The following OR6Y1 variants were observed in gnomAD, a reference collection of about 807,000 sequenced individuals.
OR6Y1 encodes the protein olfactory receptor family 6 subfamily Y member 1.
A neutral mutation model predicts 0.4 loss-of-function variants in OR6Y1; 1 was observed. The ratio of observed to expected loss-of-function variants is 2.74; its 90% CI spans 0.97 to 13.02. OR6Y1 has a LOEUF of 13.02. Among genes scored for constraint, OR6Y1 ranks in the 30% most tolerant of loss-of-function variants. The probability of loss-of-function intolerance (pLI) is 0.12; values close to 1 mark genes in which losing one functional copy is unlikely to be tolerated. For missense variants in OR6Y1, 480 were observed against 399.8 expected (o/e 1.20, Z -1.71); for synonymous variants, 173 against 141.1 (o/e 1.23, Z -1.60).
Position 158,548,106 on chromosome 1 carries a change from G to T in OR6Y1, c.-1C>A. On this transcript the variant is annotated 5_prime_UTR_variant, in exon 2 of 2. Coordinates refer to ENST00000641622, the MANE Select transcript of OR6Y1 (RefSeq NM_001005189.2). ...CTACTTCCAGAATTATGGTGGTCAT[G>T]ACTGGCTGTGGGCACAGACAAAGTC... 3 of 1,609,284 alleles carry T rather than the reference G, an allele frequency of 1.9e-6. No homozygotes were observed. The South Asian group carries it at 3.3e-5, about 18-fold the overall frequency.
Position 158,547,104 on chromosome 1 carries a change from G to A in OR6Y1, c.*24C>T. ...GTGTAGTGATCATCTCTCAGTTCAA[G>A]CCTGAAAGGAATCTATACATTTTTT... On this transcript the variant is annotated 3_prime_UTR_variant, in exon 2 of 2. Transcript: ENST00000641622. 1 of 1,594,696 alleles carries A rather than the reference G, an allele frequency of 6.3e-7. No individual in the cohort carries two copies. Among genetic ancestry groups the A allele is most frequent in the Non-Finnish European group, 8.5e-7 (1 of 1,171,790 alleles).
rs1245533182 is a variant in OR6Y1 at position 158,547,764 on chromosome 1, G to T, written c.342C>A (p.Cys114Ter). ...TQLYFFVTFV[C>*]TEYILLAIMA... ...TGATAGCAAGAAGGATGTACTCAGT[G>T]CAGACAAAGGTCACAAAAAAGTAAA... The change falls in exon 2 of 2, where the codon TGC (cysteine) becomes TGA (stop). Residue 114 changes from cysteine to a stop codon, truncating the protein, a stop_gained. Transcript: ENST00000641622. LOFTEE classifies it low-confidence loss of function (END_TRUNC). 2 of 1,613,540 alleles carry T rather than the reference G, an allele frequency of 1.2e-6. No homozygotes were observed. The highest frequency in any genetic ancestry group is 2.2e-5 in the East Asian group (1 of 44,876).
At chr1:158,551,151 T>C (rs1647694294) in intron 1 of OR6Y1, among the ~76,000 whole-genome samples, 1 of 151,590 alleles carries the variant, frequency 6.6e-6, no homozygotes, top group African/African-American at 2.4e-5. Flanking sequence ...AATTAAATTG[T>C]ACCTTTAAAA....
intron 1 of OR6Y1, among the ~76,000 whole-genome samples, chr1:158,553,770 T>C (rs536034105): frequency 6.6e-6 from 1 of 152,268 alleles, no homozygotes; most frequent in African/African-American, 2.4e-5. Flanking sequence ...CATTTTCTCT[T>C]TTTTTGTCCC....
rs886238523 is a variant in OR6Y1, at chr1:158,546,202, C to T, written c.*926G>A. The T allele has an allele frequency of 7.9e-5, 12 of 151,914 alleles. No homozygotes were observed. The highest frequency in any genetic ancestry group is 1.2e-4 in the Non-Finnish European group (8 of 68,020). The allele number at this position is 151,914 out of a possible 1,614,324, so 9.4% of individuals were successfully genotyped here. The stretch of plus-strand genomic sequence containing the variant: ...CCACCCTAGCAGTCAAATTTTAGCT[C>T]GATTACCACTATAAAAACCCTACTT... On this transcript the variant is annotated 3_prime_UTR_variant, in exon 2 of 2. Coordinates refer to ENST00000641622, the MANE Select transcript of OR6Y1 (RefSeq NM_001005189.2).
rs1378609543 is a variant in OR6Y1 at position 158,546,935 on chromosome 1, T to C, written c.*193A>G. 9 of 497,710 alleles carry C rather than the reference T, an allele frequency of 1.8e-5. No individual in the cohort carries two copies. The highest frequency in any genetic ancestry group is 3.4e-5 in the South Asian group (1 of 29,808). 30.8% of individuals were successfully genotyped at this position (497,710 alleles called of 1,614,324 possible). A position where few individuals can be genotyped will look rare whatever the true frequency, so the allele number is the denominator to read the frequency against. ...TTTTAAAACTTGTCTCTCAGCCTGA[T>C]ACCAGAGGTTACTTCTTGAGAACAT... is the stretch of plus-strand genomic sequence containing the variant. On this transcript the variant is annotated 3_prime_UTR_variant, in exon 2 of 2. Coordinates refer to ENST00000641622, the MANE Select transcript of OR6Y1 (RefSeq NM_001005189.2).
In OR6Y1 at chr1:158,545,428, G is replaced by A. The variant is rs1647492621; in HGVS notation, c.*1700C>T. On this transcript the variant is annotated 3_prime_UTR_variant, in exon 2 of 2. Coordinates refer to ENST00000641622, the MANE Select transcript of OR6Y1 (RefSeq NM_001005189.2). The stretch of plus-strand genomic sequence containing the variant: ...ACCAACATGTCACATGTATACATAT[G>A]TAACAAACCTGCACGTTGTGCACAT... 1 of 151,608 alleles carries A rather than the reference G, an allele frequency of 6.6e-6. No homozygotes were observed. 9.4% of individuals were successfully genotyped at this position (151,608 alleles called of 1,614,324 possible). A position where few individuals can be genotyped will look rare whatever the true frequency, so the allele number is the denominator to read the frequency against.
In OR6Y1 at chr1:158,547,563, G is replaced by GAT; in HGVS notation, c.542_543insAT (p.His181GlnfsTer71). On this transcript the variant is annotated frameshift_variant, in exon 2 of 2. Coordinates refer to ENST00000641622, the MANE Select transcript of OR6Y1 (RefSeq NM_001005189.2). LOFTEE classifies it low-confidence loss of function (END_TRUNC). ...GGAGTGGAGAGATATCACAAAAGTA[G>GAT]TGATTGATCTGAGGCATGCCACAGT... 6.2e-7 allele frequency: 1 copy of GAT among 1,612,804 alleles called. No individual in the cohort carries two copies. The highest frequency in any genetic ancestry group is 1.6e-4 in the Middle Eastern group (1 of 6,062).
chr1:158,551,835 A>G (rs1647712403), intron 1 of OR6Y1, among the ~76,000 whole-genome samples: 1 of 151,684 alleles, frequency 6.6e-6, no homozygotes, highest in Non-Finnish European at 1.5e-5. Context: ...AGGACTGCAA[A>G]GAACCTGAGA....
Position 158,547,525 on chromosome 1 carries a change from C to T in OR6Y1, c.581G>A (p.Cys194Tyr), listed in dbSNP as rs755891716. Residue 194 changes from cysteine to tyrosine, a missense_variant, in exon 2 of 2, where the codon TGT (cysteine) becomes TAT (tyrosine). Physicochemically the swap from Cys to Tyr is radical, Grantham distance 194 (BLOSUM62 -2). Transcript: ENST00000641622. Reference protein sequence around the residue: ...CDISPLLNVSCEDASQAEMVD... With the variant: ...CDISPLLNVSYEDASQAEMVD... ...CATCTCAGCCTGTGAGGCATCCTCA[C>T]AGGAGACGTTAAGGAGTGGAGAGAT... is the stretch of plus-strand genomic sequence containing the variant. 4 of 1,613,366 alleles carry T rather than the reference C, an allele frequency of 2.5e-6. No individual in the cohort carries two copies. The Admixed American group carries it at 6.7e-5, about 27-fold the overall frequency.
Position 158,547,765 on chromosome 1 carries a change from C to T in OR6Y1, c.341G>A (p.Cys114Tyr). ...TQLYFFVTFV[C>Y]TEYILLAIMA... Reference sequence around the variant, plus strand: ...GATAGCAAGAAGGATGTACTCAGTGCAGACAAAGGTCACAAAAAAGTAAAG... The same window carrying T: ...GATAGCAAGAAGGATGTACTCAGTGTAGACAAAGGTCACAAAAAAGTAAAG... The change falls in exon 2 of 2, where the codon TGC becomes TAC. Residue 114 changes from cysteine to tyrosine, a missense_variant. Cys to Tyr is a radical substitution (Grantham distance 194). Transcript: ENST00000641622. The T allele has an allele frequency of 1.2e-6, 2 of 1,613,458 alleles. No homozygotes were observed. Among genetic ancestry groups the T allele is most frequent in the Non-Finnish European group, 1.7e-6 (2 of 1,179,990 alleles).
At chr1:158,551,553 C>A (rs1349556832) in intron 1 of OR6Y1, among the ~76,000 whole-genome samples, 1 of 151,600 alleles carries the variant, frequency 6.6e-6, no homozygotes, top group Non-Finnish European at 1.5e-5. Flanking sequence ...CAATTTAATT[C>A]CTTCTGTTAT....
chr1:158,548,032 C>T lies in OR6Y1; in HGVS notation c.74G>A (p.Arg25Gln), dbSNP rs762447565. Residue 25 changes from arginine (R) to glutamine (Q), a missense_variant, in exon 2 of 2, where the codon CGA (arginine) becomes CAA (glutamine). Physicochemically the swap from Arg to Gln is conservative, Grantham distance 43. Transcript: ENST00000641622. ...GAAAAAGAGAAGCTGGAAGGCTGGT[C>T]GTGTTGGAAACCCCAGAAGAATGAA... is the stretch of plus-strand genomic sequence containing the variant. ...TRFILLGFPT[R>Q]PAFQLLFFSI... 1.9e-5 allele frequency: 30 copies of T among 1,613,358 alleles called. No individual in the cohort carries two copies. Among genetic ancestry groups the T allele is most frequent in the Non-Finnish European group, 2.4e-5 (28 of 1,179,966 alleles).
chr1:158,551,471 G>A (rs1246500824), intron 1 of OR6Y1, among the ~76,000 whole-genome samples: 1 of 151,652 alleles, frequency 6.6e-6, no homozygotes, highest in Non-Finnish European at 1.5e-5. Context: ...TAGTGGCAGA[G>A]TAGCAATTTA....
intron 1 of OR6Y1, among the ~76,000 whole-genome samples, chr1:158,551,121 CTT>C (rs10714040): frequency 1.1e-4 from 17 of 148,438 alleles, no homozygotes; most frequent in African/African-American, 1.7e-4. Flanking sequence ...TTGGGTGAGG[CTT>C]TTTTTTTTTC....
chr1:158,554,113 CT>C (rs1647773025), intron 1 of OR6Y1, among the ~76,000 whole-genome samples, 152 bp downstream of exon 1: 1 of 152,180 alleles, frequency 6.6e-6, no homozygotes, highest in African/African-American at 2.4e-5. Context: ...GACAAACTAT[CT>C]TTAAAAATCA....
At chr1:158,550,947 AT>A (rs1647687238) in intron 1 of OR6Y1, among the ~76,000 whole-genome samples, 1 of 151,610 alleles carries the variant, frequency 6.6e-6, no homozygotes, top group African/African-American at 2.4e-5. Context: ...CCATCATGGA[AT>A]TAGCACCAAT....
rs138675073 is a variant in OR6Y1 at position 158,547,691 on chromosome 1, C to A, written c.415G>T (p.Val139Phe). 8 of 1,613,524 alleles carry A rather than the reference C, an allele frequency of 5.0e-6. No individual in the cohort carries two copies. Among genetic ancestry groups the A allele is most frequent in the Non-Finnish European group, 6.8e-6 (8 of 1,180,006 alleles). ...CCACAGAGCTGGTTGGTCATGATGACTGGGTAGCGTAGTGGATTACAAATG... is the reference window on the plus strand; with the variant it reads ...CCACAGAGCTGGTTGGTCATGATGAATGGGTAGCGTAGTGGATTACAAATG... The part of the protein sequence containing the change: ...VAICNPLRYP[V>F]IMTNQLCGTL... Residue 139 changes from valine (V) to phenylalanine (F), a missense_variant, in exon 2 of 2, where the codon GTC becomes TTC. Coordinates refer to ENST00000641622, the MANE Select transcript of OR6Y1 (RefSeq NM_001005189.2).
In OR6Y1 at chr1:158,547,297, A is replaced by G. The variant is rs1647567979; in HGVS notation, c.809T>C (p.Met270Thr). The G allele has an allele frequency of 2.0e-5, 32 of 1,613,534 alleles. No homozygotes were observed. Among genetic ancestry groups the G allele is most frequent in the Non-Finnish European group, 2.5e-5 (30 of 1,179,998 alleles). Residue 270 changes from methionine (M) to threonine (T), a missense_variant, in exon 2 of 2, where the codon ATG becomes ACG. Physicochemically the swap from Met to Thr is moderately conservative, Grantham distance 81. Transcript: ENST00000641622. ...TLFTYARPKL[M>T]YAYNSNKVVS... ...CACTTTGTTGGAATTGTAGGCATAC[A>G]TGAGTTTGGGACGGGCATAGGTGAA...
Sources: allele counts gnomAD v4.1 joint callset (sites outside exome capture counted in the v4.1 genomes callset), GRCh38; gene constraint gnomAD v4.1.1; transcripts MANE v1.5; gene names NCBI Gene and HGNC (gene_info 2026-07-23, HGNC 2026-07-21).